The following CLEC1A variants were observed in gnomAD, a reference collection of about 807,000 sequenced individuals.
The protein encoded by CLEC1A is C-type lectin-like receptor-1.
Under a neutral mutation model 28.7 loss-of-function variants are expected in CLEC1A, and 34 were observed. The ratio of observed to expected loss-of-function variants is 1.18; its 90% CI spans 0.90 to 1.57. The LOEUF is 1.57. Among genes scored for constraint, CLEC1A ranks in the 40% most tolerant of loss-of-function variants. The pLI, the probability that CLEC1A is intolerant of heterozygous loss-of-function variation, is 0.00. For synonymous variants in CLEC1A, 116 were observed against 121.0 expected, an observed-to-expected ratio of 0.96 and a Z score of 0.27; for missense variants, 385 against 339.5, an observed-to-expected ratio of 1.13 and a Z score of -1.05.
Position 10,081,387 on chromosome 12 carries a change from T to C in CLEC1A, c.241A>G (p.Thr81Ala), listed in dbSNP as rs1462554781. The change falls in exon 3 of 6, where the codon ACT (threonine) becomes GCT (alanine). Residue 81 changes from threonine (T) to alanine (A), a missense_variant. Physicochemically the swap from Thr to Ala is moderately conservative, Grantham distance 58. Transcript: ENST00000315330. The stretch of plus-strand genomic sequence containing the variant: ...ATTTGAGAAATGGTGTCTTGACCAG[T>C]ATTGGAGAGCTGGTAGTACTGAAAA... Reference protein sequence around the residue: ...LFFQYYQLSNTGQDTISQMEE... With the variant: ...LFFQYYQLSNAGQDTISQMEE... 2 of 1,608,546 alleles carry C rather than the reference T, an allele frequency of 1.2e-6. No individual in the cohort carries two copies. The highest frequency in any genetic ancestry group is 2.2e-5 in the East Asian group (1 of 44,618).
rs1017503934 is a variant in CLEC1A at position 10,071,371 on chromosome 12, G to A, written c.805C>T (p.Leu269Phe). ...CCTAATGTTTCAGGGGGGACATGGAGGCTCTCTGGCTTCACCATTCCTGCC... is the reference window on the plus strand; with the variant it reads ...CCTAATGTTTCAGGGGGGACATGGAAGCTCTCTGGCTTCACCATTCCTGCC... ...RRAGMVKPES[L>F]HVPPETLGEG... The change falls in exon 6 of 6, where the codon CTC becomes TTC. Residue 269 changes from leucine to phenylalanine, a missense_variant. Transcript: ENST00000315330. 3 of 1,613,862 alleles carry A rather than the reference G, an allele frequency of 1.9e-6. No individual in the cohort carries two copies. Among genetic ancestry groups the A allele is most frequent in the East Asian group, 2.2e-5 (1 of 44,872 alleles).
intron 1 of CLEC1A, among the ~76,000 whole-genome samples, chr12:10,096,365 A>T (rs7957278): frequency 0.84 from 127,244 of 152,178 alleles, 54,454 homozygotes; most frequent in African/African-American, 0.9. Flanking sequence ...CTAAACTCCA[A>T]CACCTCGACA....
intron 5 of CLEC1A, among the ~76,000 whole-genome samples, 167 bp from the exon 6 acceptor site, chr12:10,071,680 C>A (rs559643340): frequency 6.6e-6 from 1 of 152,286 alleles, no homozygotes; most frequent in Admixed American, 6.5e-5. Context: ...AGTTTCCATA[C>A]TCATTCTTAG....
chr12:10,075,056 T>C (rs1490697762), intron 4 of CLEC1A, among the ~76,000 whole-genome samples: 1 of 152,234 alleles, frequency 6.6e-6, no homozygotes, highest in African/African-American at 2.4e-5. Context: ...CAGTCTATCC[T>C]AGGCTGTAAA....
chr12:10,090,562 C>G (rs1287358584), intron 1 of CLEC1A, among the ~76,000 whole-genome samples: 1 of 152,016 alleles, frequency 6.6e-6, no homozygotes, highest in Non-Finnish European at 1.5e-5. Context: ...CCGCGCCCGG[C>G]CAATTCTAGG....
intron 4 of CLEC1A, 61 bp from the exon 5 acceptor site, chr12:10,073,472 C>A (rs1284595872): frequency 8.2e-7 from 1 of 1,221,618 alleles, no homozygotes; most frequent in Non-Finnish European, 1.2e-6. Context: ...CATGTACAGA[C>A]ATGCATGGGC....
chr12:10,097,801 A>G (rs1947797186), intron 1 of CLEC1A, among the ~76,000 whole-genome samples: 1 of 148,406 alleles, frequency 6.7e-6, no homozygotes. Context: ...TTTGTATCCT[A>G]TTACACATAT....
intron 2 of CLEC1A, among the ~76,000 whole-genome samples, chr12:10,083,540 C>T (rs539339544): frequency 2.6e-5 from 4 of 152,328 alleles, no homozygotes; most frequent in Non-Finnish European, 5.9e-5. Context: ...GTGATCTTGG[C>T]TCACTGCAAC....
chr12:10,079,551 A>G (rs897126753), intron 3 of CLEC1A, among the ~76,000 whole-genome samples: 2 of 152,114 alleles, frequency 1.3e-5, no homozygotes, highest in Non-Finnish European at 2.9e-5. Flanking sequence ...GCCAGGTGCA[A>G]TGGCTCATGC....
chr12:10,071,040 G>A lies in CLEC1A; in HGVS notation c.*293C>T. On this transcript the variant is annotated 3_prime_UTR_variant, in exon 6 of 6. Coordinates refer to ENST00000315330, the MANE Select transcript of CLEC1A (RefSeq NM_016511.4). ...ACATGAAAACAGGGAGGTGATATTA[G>A]ACATTGAGAAGAAAGAGAGCTAAAA... 4.5e-6 allele frequency: 1 copy of A among 221,750 alleles called. No homozygotes were observed. Among genetic ancestry groups the A allele is most frequent in the Admixed American group, 5.8e-5 (1 of 17,304 alleles). 13.7% of individuals were successfully genotyped at this position (221,750 alleles called of 1,614,324 possible). A position where few individuals can be genotyped will look rare whatever the true frequency, so the allele number is the denominator to read the frequency against.
At chr12:10,074,020 C>T (rs1358514330) in intron 4 of CLEC1A, among the ~76,000 whole-genome samples, 2 of 152,122 alleles carry the variant, frequency 1.3e-5, no homozygotes, top group South Asian at 2.1e-4. Context: ...TGTTTACTTA[C>T]TTCTATCTAG....
intron 4 of CLEC1A, among the ~76,000 whole-genome samples, chr12:10,074,490 A>G (rs930737588): frequency 6.6e-6 from 1 of 152,232 alleles, no homozygotes; most frequent in Non-Finnish European, 1.5e-5. Flanking sequence ...CATGATAGAA[A>G]ATAACTACAT....
intron 1 of CLEC1A, among the ~76,000 whole-genome samples, chr12:10,090,593 T>C (rs1259165744): frequency 6.6e-6 from 1 of 152,040 alleles, no homozygotes; most frequent in Non-Finnish European, 1.5e-5. Context: ...TATGAAACGT[T>C]ATTTCCAAAT....
Position 10,075,728 on chromosome 12 carries a change from A to G in CLEC1A, c.392-73T>C, listed in dbSNP as rs1866238734. The stretch of plus-strand genomic sequence containing the variant: ...TGCTCCTCTCTTGAAATTATATAGT[A>G]TTTGATGTCCTAAGAAAGAATTAAC... On this transcript the variant is annotated intron_variant, in intron 3 of 5. Transcript: ENST00000315330. 9.1e-6 allele frequency: 12 copies of G among 1,313,724 alleles called. 1 individual carries two copies. The highest frequency in any genetic ancestry group is 1.3e-5 in the Non-Finnish European group (12 of 936,236). The allele number at this position is 1,313,724 out of a possible 1,614,324, so 81.4% of individuals were successfully genotyped here.
chr12:10,075,621 T>C lies in CLEC1A; in HGVS notation c.426A>G (p.Lys142=). 6.2e-7 allele frequency: 1 copy of C among 1,614,102 alleles called. No individual in the cohort carries two copies. Among genetic ancestry groups the C allele is most frequent in the South Asian group, 1.1e-5 (1 of 91,080 alleles). ...ACTGGTAGCAATTGTCTCCATGCCA[T>C]TTCCATTGTTCTGTACAAGGGCTGC... is the stretch of plus-strand genomic sequence containing the variant. ...HRCSPCTEQW[K]WHGDNCYQFY... Residue 142 remains lysine (K), a synonymous_variant, in exon 4 of 6, where the codon AAA becomes AAG. Coordinates refer to ENST00000315330, the MANE Select transcript of CLEC1A (RefSeq NM_016511.4).
chr12:10,088,495 A>AAAAGAACTGTTCAAAGAACAG (rs1866548066), intron 2 of CLEC1A, among the ~76,000 whole-genome samples: 2 of 151,368 alleles, frequency 1.3e-5, no homozygotes, highest in Non-Finnish European at 1.5e-5. Context: ...AAGAACAGTT[A>AAAAGAACTGTTCAAAGAACAG]TTCAGCTGTT....
At chr12:10,092,700 A>G (rs2137369958) in intron 1 of CLEC1A, among the ~76,000 whole-genome samples, 1 of 152,342 alleles carries the variant, frequency 6.6e-6, no homozygotes, top group East Asian at 1.9e-4. Context: ...GAGGGCCTGG[A>G]CTTTAGAAAT....
In CLEC1A at chr12:10,073,279, T is replaced by C. The variant is rs377156261; in HGVS notation, c.662+14A>G. The C allele has an allele frequency of 2.0e-5, 32 of 1,574,028 alleles. No homozygotes were observed. In the African/African-American group the frequency reaches 4.1e-4, roughly 20 times the overall value. ...TGTTAAATGCCTTTCCCATAAAATATCCTGAAGGCTTACAGTTCAGAAGTG... is the reference window on the plus strand; with the variant it reads ...TGTTAAATGCCTTTCCCATAAAATACCCTGAAGGCTTACAGTTCAGAAGTG... On this transcript the variant is annotated intron_variant, in intron 5 of 5. Coordinates refer to ENST00000315330, the MANE Select transcript of CLEC1A (RefSeq NM_016511.4).
At chr12:10,085,536 T>TAAAAAAAA (rs71049044) in intron 2 of CLEC1A, among the ~76,000 whole-genome samples, 4 of 128,716 alleles carry the variant, frequency 3.1e-5, no homozygotes, top group Admixed American at 1.6e-4. Flanking sequence ...GCAAAAACAG[T>TAAAAAAAA]AAAAAAAAAA....
Sources: allele counts gnomAD v4.1 joint callset (sites outside exome capture counted in the v4.1 genomes callset), GRCh38; gene constraint gnomAD v4.1.1; transcripts MANE v1.5; gene names NCBI Gene and HGNC (gene_info 2026-07-23, HGNC 2026-07-21).